TAX1BP1: variants seen among roughly 807,000 people sequenced by gnomAD.
TAX1BP1 encodes the protein Tax1 binding protein 1.
A neutral mutation model predicts 97.7 loss-of-function variants in TAX1BP1; 62 were observed. That is an observed-to-expected ratio of 0.63 (90% confidence interval 0.52 to 0.78). TAX1BP1 has a LOEUF of 0.78. TAX1BP1 is among the 30% of genes least tolerant of loss of function. TAX1BP1 has a pLI of 0.00. For synonymous variants in TAX1BP1, 340 were observed against 304.2 expected (o/e 1.12, Z -1.23); for missense variants, 867 against 916.1 (o/e 0.95, Z 0.69).
chr7:27,755,009 T>C (rs548775014), intron 2 of TAX1BP1, among the ~76,000 whole-genome samples: 2 of 152,256 alleles, frequency 1.3e-5, no homozygotes, highest in African/African-American at 2.4e-5. Flanking sequence ...GAGGAATTTA[T>C]GCTGTTTATG....
chr7:27,745,164 C>T (rs767045840), intron 1 of TAX1BP1, among the ~76,000 whole-genome samples: 7 of 152,214 alleles, frequency 4.6e-5, no homozygotes, highest in Non-Finnish European at 7.3e-5. Flanking sequence ...AAGCTGCTTG[C>T]TTCTACTTTC....
At chr7:27,755,517 C>G (rs1485126422) in intron 2 of TAX1BP1, among the ~76,000 whole-genome samples, 2 of 152,072 alleles carry the variant, frequency 1.3e-5, no homozygotes, top group Non-Finnish European at 2.9e-5. Flanking sequence ...TGATGTTATT[C>G]TGGTCTTCTG....
chr7:27,812,566 G>T (rs553315643), intron 13 of TAX1BP1, among the ~76,000 whole-genome samples: 132 of 151,380 alleles, frequency 8.7e-4, no homozygotes, highest in African/African-American at 3.2e-3. Flanking sequence ...CTAAATCAAG[G>T]TTATGAAGAT....
At chr7:27,768,355 T>G (rs1040683768) in intron 4 of TAX1BP1, among the ~76,000 whole-genome samples, 3 of 152,140 alleles carry the variant, frequency 2.0e-5, no homozygotes, top group Admixed American at 2.0e-4. Flanking sequence ...GCTTAACATA[T>G]TCCAAAATAC....
At chr7:27,823,330 A>C (rs1263066516) in intron 15 of TAX1BP1, among the ~76,000 whole-genome samples, 1 of 152,208 alleles carries the variant, frequency 6.6e-6, no homozygotes, top group African/African-American at 2.4e-5. Context: ...TGGCCTTAGC[A>C]AATATGTAAA....
intron 7 of TAX1BP1, 31 bp from the exon 8 acceptor site, chr7:27,787,387 A>G (rs368432226): frequency 2.6e-6 from 4 of 1,550,100 alleles, no homozygotes; most frequent in Non-Finnish European, 3.5e-6. Context: ...TGGAGTTAGA[A>G]TATTCTTGAC....
intron 4 of TAX1BP1, among the ~76,000 whole-genome samples, chr7:27,766,813 A>G (rs1384960698): frequency 6.6e-6 from 1 of 152,186 alleles, no homozygotes; most frequent in African/African-American, 2.4e-5. Context: ...TTCTCTTTCT[A>G]AAGTGTGGCA....
rs1583664543 is a variant in TAX1BP1 at position 27,748,504 on chromosome 7, ATTAC to A, written c.-7-11_-7-8del. 6.4e-7 allele frequency: 1 copy of A among 1,559,810 alleles called. No homozygotes were observed. Among genetic ancestry groups the A allele is most frequent in the Non-Finnish European group, 8.7e-7 (1 of 1,147,252 alleles). On this transcript the variant is annotated splice_polypyrimidine_tract_variant and intron_variant, in intron 1 of 16. Coordinates refer to ENST00000396319, the MANE Select transcript of TAX1BP1 (RefSeq NM_006024.7). Reference sequence around the variant, plus strand: ...AGTTGGTATAATTTAACTTGTATGAATTACTTGTTTCAGATTCACAATGACATCC... The same window carrying A: ...AGTTGGTATAATTTAACTTGTATGAATTGTTTCAGATTCACAATGACATCC...
In TAX1BP1 at chr7:27,792,117, C is replaced by A; in HGVS notation, c.1150C>A (p.Arg384=). The change falls in exon 9 of 17, where the codon CGA becomes AGA. Residue 384 remains arginine, a synonymous_variant. Transcript: ENST00000396319. ...AGAACTCAGTGATGCTGTCAACGTA[C>A]GAGACAGAACGATGGCAGACCTGCA... ...AKELSDAVNV[R]DRTMADLHTA... 1 of 1,613,942 alleles carries A rather than the reference C, an allele frequency of 6.2e-7. No homozygotes were observed. Among genetic ancestry groups the A allele is most frequent in the Non-Finnish European group, 8.5e-7 (1 of 1,180,016 alleles).
In TAX1BP1 at chr7:27,829,061, G is replaced by GC; in HGVS notation, c.*232_*233insC. The GC allele has an allele frequency of 2.5e-6, 1 of 403,734 alleles. No homozygotes were observed. The highest frequency in any genetic ancestry group is 4.4e-6 in the Non-Finnish European group (1 of 228,894). 25.0% of individuals were successfully genotyped at this position (403,734 alleles called of 1,614,324 possible). On this transcript the variant is annotated 3_prime_UTR_variant, in exon 17 of 17. Coordinates refer to ENST00000396319, the MANE Select transcript of TAX1BP1 (RefSeq NM_006024.7). ...ACCTGCTTTAAAAAAAAGTTCTTGT[G>GC]TGTTCGTATCTTTATTTATTCCCTA...
intron 3 of TAX1BP1, among the ~76,000 whole-genome samples, chr7:27,763,523 T>C (rs1735570837): frequency 6.6e-6 from 1 of 152,134 alleles, no homozygotes; most frequent in Non-Finnish European, 1.5e-5. Flanking sequence ...TCCCAGCACT[T>C]TGGGAGGCCG....
intron 8 of TAX1BP1, among the ~76,000 whole-genome samples, chr7:27,789,559 G>A (rs1315513475): frequency 2.0e-5 from 3 of 151,626 alleles, no homozygotes; most frequent in African/African-American, 4.8e-5. Flanking sequence ...AAAAGGTAGC[G>A]CTACTATACA....
chr7:27,815,364 A>G (rs1230135807), intron 13 of TAX1BP1, among the ~76,000 whole-genome samples: 1 of 152,120 alleles, frequency 6.6e-6, no homozygotes. Flanking sequence ...TTTGTAAAAT[A>G]TTTCTTCTGC....
intron 13 of TAX1BP1, among the ~76,000 whole-genome samples, chr7:27,809,071 GAT>G (rs1491372195): frequency 1.8e-5 from 1 of 56,050 alleles, no homozygotes; most frequent in African/African-American, 2.4e-4. Context: ...TGATATATAT[GAT>G]AGAGTATGTG....
At chr7:27,797,525 G>T (rs1789983708) in intron 12 of TAX1BP1, among the ~76,000 whole-genome samples, 1 of 151,822 alleles carries the variant, frequency 6.6e-6, no homozygotes, top group African/African-American at 2.4e-5. Flanking sequence ...ATTTTTTAGA[G>T]CTATAGAATA....
At chr7:27,742,337 T>C (rs938411592) in intron 1 of TAX1BP1, among the ~76,000 whole-genome samples, 1 of 152,206 alleles carries the variant, frequency 6.6e-6, no homozygotes, top group Non-Finnish European at 1.5e-5. Context: ...ACAGTTTTTG[T>C]GTCCCTGGGT....
chr7:27,795,541 T>G (rs1206204189), intron 11 of TAX1BP1, among the ~76,000 whole-genome samples: 1 of 152,094 alleles, frequency 6.6e-6, no homozygotes, highest in East Asian at 1.9e-4. Context: ...ATGGAACTCT[T>G]TTTAGCAAAT....
chr7:27,772,932 A>G (rs1173314710), intron 5 of TAX1BP1, among the ~76,000 whole-genome samples: 1 of 151,976 alleles, frequency 6.6e-6, no homozygotes, highest in Non-Finnish European at 1.5e-5. Context: ...TTAAAAAGTA[A>G]CTCTATTATT....
At chr7:27,786,367 C>T (rs1330238192) in intron 7 of TAX1BP1, among the ~76,000 whole-genome samples, 7 of 152,016 alleles carry the variant, frequency 4.6e-5, no homozygotes, top group Non-Finnish European at 1.0e-4. Context: ...TCTCCTGACC[C>T]GCCTCAGCCT....
Sources: allele counts gnomAD v4.1 joint callset (sites outside exome capture counted in the v4.1 genomes callset), GRCh38; gene constraint gnomAD v4.1.1; transcripts MANE v1.5; gene names NCBI Gene and HGNC (gene_info 2026-07-23, HGNC 2026-07-21).